ITGA9: variants seen among roughly 807,000 people sequenced by gnomAD.
The protein encoded by ITGA9 is integrin subunit alpha 9.
Under a neutral mutation model 127.8 loss-of-function variants are expected in ITGA9, and 56 were observed. The observed-to-expected ratio is 0.44, with a 90% CI of 0.35 to 0.55. The LOEUF (loss-of-function observed/expected upper bound fraction) is 0.55. ITGA9 is among the 20% of genes least tolerant of loss of function. The pLI is 0.00. For missense variants in ITGA9, 1,196 were observed against 1,347.1 expected, an observed-to-expected ratio of 0.89 and a Z score of 1.76; for synonymous variants, 508 against 514.5, an observed-to-expected ratio of 0.99 and a Z score of 0.17.
chr3:37,551,758 G>A (rs369632313), intron 15 of ITGA9, among the ~76,000 whole-genome samples: 1 of 152,222 alleles, frequency 6.6e-6, no homozygotes, highest in African/African-American at 2.4e-5. Context: ...GAGCTGCCTC[G>A]CCAGACCTCC....
intron 1 of ITGA9, among the ~76,000 whole-genome samples, chr3:37,470,045 C>T (rs1698411390): frequency 6.6e-6 from 1 of 152,140 alleles, no homozygotes; most frequent in Non-Finnish European, 1.5e-5. Context: ...AGTCTGCCCA[C>T]CTCGGCCTCC....
intron 18 of ITGA9, among the ~76,000 whole-genome samples, chr3:37,697,339 T>TATC: frequency 6.8e-6 from 1 of 148,122 alleles, no homozygotes; most frequent in East Asian, 2.0e-4. Context: ...TTATTATTAT[T>TATC]ATTATTATTA....
intron 15 of ITGA9, among the ~76,000 whole-genome samples, chr3:37,618,040 C>G (rs534322064): frequency 2.3e-4 from 35 of 152,332 alleles, no homozygotes; most frequent in Admixed American, 1.9e-3. Flanking sequence ...GAGGCACTCT[C>G]ATTTTTAGAG....
At chr3:37,702,798 C>G (rs994103140) in intron 18 of ITGA9, among the ~76,000 whole-genome samples, 1 of 151,982 alleles carries the variant, frequency 6.6e-6, no homozygotes, top group East Asian at 1.9e-4. Context: ...CCTCCTTGCC[C>G]GGGCATCTTC....
chr3:37,538,461 A>G (rs1191180532), intron 14 of ITGA9, among the ~76,000 whole-genome samples: 2 of 152,214 alleles, frequency 1.3e-5, no homozygotes, highest in Non-Finnish European at 2.9e-5. Flanking sequence ...GCCAGAAGGA[A>G]AAACCTAAAG....
chr3:37,692,827 G>A (rs1559569427), intron 18 of ITGA9, among the ~76,000 whole-genome samples: 1 of 152,188 alleles, frequency 6.6e-6, no homozygotes, highest in East Asian at 1.9e-4. Flanking sequence ...TTCAGACTGG[G>A]CAGGGAGGCA....
chr3:37,573,669 G>A (rs540242508), intron 15 of ITGA9, among the ~76,000 whole-genome samples: 4 of 152,318 alleles, frequency 2.6e-5, no homozygotes, highest in African/African-American at 9.6e-5. Context: ...ATTTCCGAGA[G>A]AGTGCGGTTG....
At chr3:37,566,234 G>A (rs7642079) in intron 15 of ITGA9, among the ~76,000 whole-genome samples, 27,867 of 152,124 alleles carry the variant, frequency 0.18, 2,785 homozygotes, top group African/African-American at 0.24. Flanking sequence ...CCCTTTATCT[G>A]CTGTTTTTTC....
chr3:37,665,032 G>T (rs1559561785), intron 17 of ITGA9, among the ~76,000 whole-genome samples: 1 of 149,896 alleles, frequency 6.7e-6, no homozygotes, highest in Non-Finnish European at 1.5e-5. Flanking sequence ...GAGTAGAGTG[G>T]TGTGATCTCA....
intron 15 of ITGA9, chr3:37,573,333 G>A (rs536673935): frequency 6.6e-6 from 1 of 152,330 alleles, no homozygotes; most frequent in South Asian, 2.1e-4. Flanking sequence ...TGTTTACTGA[G>A]AGATGATGTC....
chr3:37,470,140 G>GTTTTTTTTTTTTT (rs71288094), intron 1 of ITGA9, among the ~76,000 whole-genome samples: 15 of 133,050 alleles, frequency 1.1e-4, no homozygotes, highest in Non-Finnish European at 1.6e-4. Context: ...GTTTCTTCTT[G>GTTTTTTTTTTTTT]TTTTTTTTTT....
At chr3:37,716,090 G>C (rs886134236) in intron 18 of ITGA9, among the ~76,000 whole-genome samples, 3 of 152,142 alleles carry the variant, frequency 2.0e-5, no homozygotes, top group East Asian at 1.9e-4. Flanking sequence ...TCCCAATCAG[G>C]GACAAAAGAG....
chr3:37,801,459 C>A (rs546963270), intron 26 of ITGA9, among the ~76,000 whole-genome samples: 1 of 152,244 alleles, frequency 6.6e-6, no homozygotes, highest in East Asian at 1.9e-4. Context: ...GTATATTCGA[C>A]TTCAATAAGT....
chr3:37,764,413 C>T (rs1406376754), intron 23 of ITGA9, among the ~76,000 whole-genome samples: 1 of 133,208 alleles, frequency 7.5e-6, no homozygotes, highest in Non-Finnish European at 1.5e-5. Context: ...ACACCAACTT[C>T]TAGTCCTAAT....
intron 25 of ITGA9, among the ~76,000 whole-genome samples, chr3:37,783,262 T>G (rs1697000056): frequency 6.6e-6 from 1 of 152,206 alleles, no homozygotes; most frequent in African/African-American, 2.4e-5. Flanking sequence ...CTCGTCTGCT[T>G]GGCCTGTAAC....
intron 17 of ITGA9, among the ~76,000 whole-genome samples, chr3:37,676,750 C>A (rs1485011378): frequency 6.6e-6 from 1 of 152,198 alleles, no homozygotes; most frequent in East Asian, 1.9e-4. Flanking sequence ...AACATCAAAT[C>A]TTTGTCTTCA....
chr3:37,475,688 C>G (rs1278990880), intron 3 of ITGA9, among the ~76,000 whole-genome samples: 2 of 152,244 alleles, frequency 1.3e-5, no homozygotes, highest in Non-Finnish European at 2.9e-5. Context: ...CTGACACCAT[C>G]TGCTTTCCTT....
intron 15 of ITGA9, among the ~76,000 whole-genome samples, chr3:37,553,197 T>C (rs1699395671): frequency 6.6e-6 from 1 of 152,180 alleles, no homozygotes; most frequent in Admixed American, 6.5e-5. Flanking sequence ...GATGCCCCCT[T>C]ATCCCTAACA....
intron 4 of ITGA9, among the ~76,000 whole-genome samples, chr3:37,484,010 C>T (rs751947613): frequency 3.3e-5 from 5 of 152,092 alleles, no homozygotes; most frequent in Non-Finnish European, 7.4e-5. Flanking sequence ...AGTCAACAAC[C>T]CTCACAAAGC....
Sources: gnomAD v4.1 joint callset for allele counts (sites outside exome capture counted in the v4.1 genomes callset) on GRCh38, gnomAD v4.1.1 for gene constraint, MANE v1.5 for transcripts, NCBI Gene and HGNC (gene_info 2026-07-23, HGNC 2026-07-21) for gene names.